The following ATP1B4 variants were observed in gnomAD, a reference collection of about 807,000 sequenced individuals.
ATP1B4 encodes the protein ATPase Na+/K+ transporting family member beta 4, also known as protein ATP1B4.
A neutral mutation model predicts 29.6 loss-of-function variants in ATP1B4; 32 were observed. The observed-to-expected ratio is 1.08, with a 90% confidence interval of 0.82 to 1.45. The LOEUF is 1.45. Among genes scored for constraint, ATP1B4 ranks in the 40% most tolerant of loss-of-function variants. The pLI is 0.00. For missense variants in ATP1B4, 323 were observed against 276.2 expected (o/e 1.17, Z -1.20); for synonymous variants, 127 against 102.1 (o/e 1.24, Z -1.47).
At chrX:120,376,736 T>C (rs1341073360) in intron 6 of ATP1B4, among the ~76,000 whole-genome samples, 1 of 112,337 alleles carries the variant, frequency 8.9e-6, no homozygotes, top group Non-Finnish European at 1.9e-5. Context: ...AACAACAATG[T>C]GCCAAGTCAT....
chrX:120,375,330 C>T (rs369546412), intron 4 of ATP1B4, 42 bp from the exon 5 acceptor site: 2 of 1,129,481 alleles, frequency 1.8e-6, no homozygotes, highest in South Asian at 2.0e-5. Context: ...TCCCCTGTAG[C>T]ACCTGTCTAA....
intron 2 of ATP1B4, among the ~76,000 whole-genome samples, chrX:120,369,277 G>A (rs1203218295): frequency 1.8e-5 from 2 of 112,050 alleles, no homozygotes; most frequent in Admixed American, 1.9e-4. Context: ...CACAGGTGCT[G>A]TCGTTTATTC....
chrX:120,366,292 T>A (rs761047973), intron 1 of ATP1B4, among the ~76,000 whole-genome samples: 1 of 111,268 alleles, frequency 9.0e-6, no homozygotes, highest in South Asian at 3.8e-4. Context: ...AGAATAAAAC[T>A]TGCACCTCTA....
At chrX:120,378,885 C>T (rs2058369306) in intron 7 of ATP1B4, 112 bp downstream of exon 7, 8 of 627,381 alleles carry the variant, frequency 1.3e-5, no homozygotes, top group Non-Finnish European at 2.5e-6. Context: ...GGGTAAATAG[C>T]TGCTGGCCAT....
At position 120,381,617 on chromosome X, in the gene ATP1B4, A is replaced by T. The variant is rs906327090; in HGVS notation, c.*1983A>T. 5 of 111,063 alleles carry T rather than the reference A, an allele frequency of 4.5e-5. No homozygotes were observed. Among genetic ancestry groups the T allele is most frequent in the African/African-American group, 1.6e-4 (5 of 30,456 alleles). 9.2% of individuals were successfully genotyped at this position (111,063 alleles called of 1,213,427 possible). On this transcript the variant is annotated 3_prime_UTR_variant, in exon 8 of 8. Transcript: ENST00000218008. ...AGGCACACACCACCATGCCCAGCTA[A>T]CTTTTGTATTTTTGGCGGAGACAGG...
chrX:120,364,335 G>T (rs1351997023), intron 1 of ATP1B4, among the ~76,000 whole-genome samples: 6 of 111,893 alleles, frequency 5.4e-5, no homozygotes. Context: ...TTCTCTGGGG[G>T]CCATGATTGC....
intron 1 of ATP1B4, 141 bp from the exon 2 acceptor site, chrX:120,366,384 G>A (rs1280379235): frequency 2.9e-6 from 2 of 685,505 alleles, no homozygotes; most frequent in Admixed American, 3.9e-5. Context: ...TCCACCTCTT[G>A]TAACAACATG....
At position 120,371,097 on chromosome X, in the gene ATP1B4, C is replaced by A. The variant is rs1188281518; in HGVS notation, c.458-9C>A. ...GGTTAATATATCCAAGACCTGTTTT[C>A]ATTGCCAGGAGTTATGATCAGACCC... is the stretch of plus-strand genomic sequence containing the variant. On this transcript the variant is annotated splice_polypyrimidine_tract_variant and intron_variant, in intron 3 of 7. Coordinates refer to ENST00000218008, the MANE Select transcript of ATP1B4 (RefSeq NM_001142447.3). 1 of 1,201,109 alleles carries A rather than the reference C, an allele frequency of 8.3e-7. No homozygotes were observed. Among genetic ancestry groups the A allele is most frequent in the Non-Finnish European group, 1.1e-6 (1 of 885,880 alleles).
At position 120,366,542 on chromosome X, in the gene ATP1B4, G is replaced by A. The variant is rs959870615; in HGVS notation, c.81G>A (p.Ala27=). Residue 27 remains alanine, a synonymous_variant, in exon 2 of 8, where the codon GCG becomes GCA. Coordinates refer to ENST00000218008, the MANE Select transcript of ATP1B4 (RefSeq NM_001142447.3). ...TGTTCCAGGATGATCCGGATGAAGC[G>A]AACCAGAACTACTTAGCAGATGAAG... The part of the protein sequence containing the change: ...YRYRLDDPDE[A]NQNYLADEEE... The A allele has an allele frequency of 1.7e-5, 21 of 1,208,531 alleles. No homozygotes were observed. Among genetic ancestry groups the A allele is most frequent in the Middle Eastern group, 2.3e-4 (1 of 4,350 alleles).
At chrX:120,374,583 AATAT>A (rs1301628472) in intron 4 of ATP1B4, among the ~76,000 whole-genome samples, 2 of 48,264 alleles carry the variant, frequency 4.1e-5, no homozygotes, top group African/African-American at 7.4e-5. Flanking sequence ...CCTTATATAT[AATAT>A]ATATATACCC....
Position 120,378,849 on chromosome X carries a change from G to T in ATP1B4, c.912+76G>T, listed in dbSNP as rs190984765. 375 of 920,635 alleles carry T rather than the reference G, an allele frequency of 4.1e-4. 1 individual carries two copies. In the African/African-American group the frequency reaches 5.1e-3, roughly 12 times the overall value. 75.9% of individuals were successfully genotyped at this position (920,635 alleles called of 1,213,427 possible). A position where few individuals can be genotyped will look rare whatever the true frequency, so the allele number is the denominator to read the frequency against. Reference sequence around the variant, plus strand: ...AAGAAGAGCTGGCTGGGATCTATGAGAATTAGGGAGCAGGAGATAGTAGAG... The same window carrying T: ...AAGAAGAGCTGGCTGGGATCTATGATAATTAGGGAGCAGGAGATAGTAGAG... On this transcript the variant is annotated intron_variant, in intron 7 of 7. Transcript: ENST00000218008.
chrX:120,363,710 T>C (rs1256493603), intron 1 of ATP1B4, among the ~76,000 whole-genome samples: 1 of 111,665 alleles, frequency 9.0e-6, no homozygotes, highest in African/African-American at 3.3e-5. Context: ...TTCAGACTCT[T>C]CCCTTTCAGG....
intron 2 of ATP1B4, 133 bp downstream of exon 2, chrX:120,366,922 C>T (rs1340249573): frequency 1.9e-6 from 2 of 1,029,918 alleles, no homozygotes; most frequent in African/African-American, 1.9e-5. Context: ...GGCATCAATG[C>T]CTAGGGAAAT....
rs370285447 is a variant in ATP1B4 at position 120,375,516 on chromosome X, C to G, written c.707C>G (p.Pro236Arg). The change falls in exon 5 of 8, where the codon CCA becomes CGA. Residue 236 changes from proline to arginine, a missense_variant. Coordinates refer to ENST00000218008, the MANE Select transcript of ATP1B4 (RefSeq NM_001142447.3). Reference sequence around the variant, plus strand: ...AAGAACTGCTCTGGTCTGGAGGACCCAACTTTTGGATACTCTACTGGACAG... The same window carrying G: ...AAGAACTGCTCTGGTCTGGAGGACCGAACTTTTGGATACTCTACTGGACAG... ...FLKNCSGLED[P>R]TFGYSTGQPC... The G allele has an allele frequency of 1.6e-5, 19 of 1,210,740 alleles. No individual in the cohort carries two copies. The highest frequency in any genetic ancestry group is 3.5e-5 in the African/African-American group (2 of 57,535).
intron 4 of ATP1B4, among the ~76,000 whole-genome samples, chrX:120,372,588 C>T (rs1025892528): frequency 1.8e-5 from 2 of 111,880 alleles, no homozygotes; most frequent in African/African-American, 3.2e-5. Flanking sequence ...GGACCAACAA[C>T]ATGGGCATCT....
chrX:120,364,509 G>A (rs1378280842), intron 1 of ATP1B4, among the ~76,000 whole-genome samples: 1 of 111,616 alleles, frequency 9.0e-6, no homozygotes, highest in Non-Finnish European at 1.9e-5. Context: ...GAGGGCCATC[G>A]AGAGGCTAGA....
At position 120,379,539 on chromosome X, in the gene ATP1B4, G is replaced by A. The variant is rs780975521; in HGVS notation, c.979G>A (p.Val327Met). The stretch of plus-strand genomic sequence containing the variant: ...CGTGGTGAAGAACCAAGCAGTGCCT[G>A]TGCAGTGCCAACTGAAGGGCAAAGG... ...TDVVKNQAVP[V>M]QCQLKGKGVI... The change falls in exon 8 of 8, where the codon GTG (valine) becomes ATG (methionine). Residue 327 changes from valine (V) to methionine (M), a missense_variant. Transcript: ENST00000218008. 8.3e-7 allele frequency: 1 copy of A among 1,210,866 alleles called. No individual in the cohort carries two copies. The highest frequency in any genetic ancestry group is 1.1e-6 in the Non-Finnish European group (1 of 894,701).
In ATP1B4 at chrX:120,375,458, A is replaced by G. The variant is rs1389440202; in HGVS notation, c.649A>G (p.Lys217Glu). ...CCAAGATGGCAATGAGGATGAGGAC[A>G]AGAAGGCCTGCCAATTTAAGCGCTC... Reference protein sequence around the residue: ...FIQDGNEDEDKKACQFKRSFL... With the variant: ...FIQDGNEDEDEKACQFKRSFL... The change falls in exon 5 of 8, where the codon AAG (lysine) becomes GAG (glutamate). Residue 217 changes from lysine to glutamate, a missense_variant. Physicochemically the swap from Lys to Glu is moderately conservative, Grantham distance 56. Coordinates refer to ENST00000218008, the MANE Select transcript of ATP1B4 (RefSeq NM_001142447.3). 12 of 1,211,294 alleles carry G rather than the reference A, an allele frequency of 9.9e-6. No homozygotes were observed. The highest frequency in any genetic ancestry group is 6.5e-5 in the Admixed American group (3 of 46,015).
At chrX:120,364,626 T>C (rs1180597755) in intron 1 of ATP1B4, among the ~76,000 whole-genome samples, 2 of 112,712 alleles carry the variant, frequency 1.8e-5, no homozygotes, top group African/African-American at 3.2e-5. Context: ...ATTAATCCAT[T>C]CATCATTGAG....
Sources: allele counts gnomAD v4.1 joint callset (sites outside exome capture counted in the v4.1 genomes callset), GRCh38; gene constraint gnomAD v4.1.1; transcripts MANE v1.5; gene names NCBI Gene and HGNC (gene_info 2026-07-23, HGNC 2026-07-21).